The following SPIRE2 variants were observed in gnomAD, a reference collection of about 807,000 sequenced individuals.
SPIRE2 encodes protein spire homolog 2.
A neutral mutation model predicts 80.7 loss-of-function variants in SPIRE2; 76 were observed. The observed-to-expected ratio is 0.94, with a 90% CI of 0.78 to 1.14. The LOEUF (loss-of-function observed/expected upper bound fraction) is 1.14. SPIRE2 is among the 50% of genes most tolerant of loss of function. SPIRE2 has a pLI of 0.00. For missense variants in SPIRE2, 1,196 were observed against 1,015.3 expected (o/e 1.18, Z -2.42); for synonymous variants, 535 against 432.6 (o/e 1.24, Z -2.94).
chr16:89,849,664 C>T (rs1225733039), intron 2 of SPIRE2, among the ~76,000 whole-genome samples: 1 of 152,110 alleles, frequency 6.6e-6, no homozygotes, highest in Non-Finnish European at 1.5e-5. Context: ...GAAGTCGGTG[C>T]AGACGATGGT....
intron 9 of SPIRE2, among the ~76,000 whole-genome samples, chr16:89,859,571 T>G (rs1422731449): frequency 6.6e-6 from 1 of 152,160 alleles, no homozygotes; most frequent in Non-Finnish European, 1.5e-5. Flanking sequence ...AAAAATATTT[T>G]TTAATATTTA....
chr16:89,839,383 A>AC (rs1193537895), intron 1 of SPIRE2, among the ~76,000 whole-genome samples: 1 of 151,232 alleles, frequency 6.6e-6, no homozygotes, highest in Non-Finnish European at 1.5e-5. Flanking sequence ...CAAAAAAAAA[A>AC]AAAAAACTGT....
chr16:89,856,796 A>AC (rs2070007729), intron 7 of SPIRE2, among the ~76,000 whole-genome samples: 1 of 151,792 alleles, frequency 6.6e-6, no homozygotes, highest in Admixed American at 6.6e-5. Flanking sequence ...TCAGTAGCTC[A>AC]TGCCTTGTAA....
intron 12 of SPIRE2, among the ~76,000 whole-genome samples, chr16:89,864,727 C>G (rs1414739700): frequency 1.3e-5 from 2 of 152,132 alleles, no homozygotes; most frequent in East Asian, 3.8e-4. Context: ...TTGCTCTAGG[C>G]CTGACTGATA....
Position 89,828,714 on chromosome 16 carries a change from C to A in SPIRE2, c.164C>A (p.Pro55Gln). ...FQGCRGLRGS[P>Q]GRRLRDTGDL... The stretch of plus-strand genomic sequence containing the variant: ...GGCTGCCGCGGGCTGCGGGGCTCGC[C>A]GGGCCGGCGCCTGCGGGATACCGGG... Residue 55 changes from proline to glutamine, a missense_variant, in exon 1 of 15, where the codon CCG becomes CAG. Transcript: ENST00000378247. This position sits in a 1 kb window ranked among gnomAD's most constrained non-coding sequence, Gnocchi z 5.9. 7.9e-7 allele frequency: 1 copy of A among 1,263,614 alleles called. No individual in the cohort carries two copies. Among genetic ancestry groups the A allele is most frequent in the African/African-American group, 1.5e-5 (1 of 64,862 alleles). 78.3% of individuals were successfully genotyped at this position (1,263,614 alleles called of 1,614,324 possible).
chr16:89,850,692 T>A, intron 3 of SPIRE2, 32 bp downstream of exon 3: 1 of 627,240 alleles, frequency 1.6e-6, no homozygotes, highest in Non-Finnish European at 2.3e-6. Flanking sequence ...CCGTGGAGGG[T>A]CCGGGAGGCC....
chr16:89,839,460 C>T (rs546580541), intron 1 of SPIRE2, among the ~76,000 whole-genome samples: 4 of 150,638 alleles, frequency 2.7e-5, no homozygotes, highest in East Asian at 3.9e-4. Flanking sequence ...GGGTGGGGGG[C>T]GGCGCTGATT....
chr16:89,850,490 G>A lies in SPIRE2; in HGVS notation c.475G>A (p.Glu159Lys), dbSNP rs1214127327. Residue 159 changes from glutamate (E) to lysine (K), a missense_variant, in exon 3 of 15, where the codon GAG (glutamate) becomes AAG (lysine). Physicochemically the swap from Glu to Lys is moderately conservative, Grantham distance 56. Coordinates refer to ENST00000378247, the MANE Select transcript of SPIRE2 (RefSeq NM_032451.2). ...YGGPEEEEEA[E>K]GVPRSVRTFA... Reference sequence around the variant, plus strand: ...GGGTCCCGAGGAGGAGGAGGAGGCCGAGGGCGTCCCCCGCAGCGTGCGCAC... The same window carrying A: ...GGGTCCCGAGGAGGAGGAGGAGGCCAAGGGCGTCCCCCGCAGCGTGCGCAC... 2.0e-6 allele frequency: 3 copies of A among 1,535,510 alleles called. No homozygotes were observed. The highest frequency in any genetic ancestry group is 2.5e-5 in the South Asian group (2 of 80,442).
At chr16:89,859,870 C>T (rs1358290457) in intron 9 of SPIRE2, among the ~76,000 whole-genome samples, 1 of 152,194 alleles carries the variant, frequency 6.6e-6, no homozygotes, top group Non-Finnish European at 1.5e-5. Flanking sequence ...GTTCTTGTCT[C>T]CCCACCACCA....
At chr16:89,868,994 G>C (rs747333049) in intron 13 of SPIRE2, among the ~76,000 whole-genome samples, 1 of 126,280 alleles carries the variant, frequency 7.9e-6, no homozygotes, top group African/African-American at 3.1e-5. Flanking sequence ...CTGTGCCTCT[G>C]TACTCCAGCC....
chr16:89,841,567 T>C (rs983411319), intron 1 of SPIRE2, among the ~76,000 whole-genome samples: 1 of 152,172 alleles, frequency 6.6e-6, no homozygotes, highest in Admixed American at 6.5e-5. Context: ...GTGGCCCAGC[T>C]GCCCCATTTA....
chr16:89,867,433 G>A (rs1016773851), intron 12 of SPIRE2, among the ~76,000 whole-genome samples: 2 of 150,200 alleles, frequency 1.3e-5, no homozygotes, highest in Admixed American at 6.6e-5. Context: ...GTGAGGCATC[G>A]CGCCTGGCCG....
At chr16:89,856,349 C>T in intron 7 of SPIRE2, 113 bp downstream of exon 7, 4 of 1,137,744 alleles carry the variant, frequency 3.5e-6, no homozygotes, top group Non-Finnish European at 4.7e-6. Context: ...GCGCCTGAAC[C>T]CATGGAAGAC....
At position 89,869,053 on chromosome 16, in the gene SPIRE2, A is replaced by AAAAAACATATATATATATATATATATAT; in HGVS notation, c.1807-513_1807-512insAAAACATATATATATATATATATATATA. On this transcript the variant is annotated intron_variant, in intron 13 of 14. Transcript: ENST00000378247. The stretch of plus-strand genomic sequence containing the variant: ...TCTTAAAAAAAAAAAAAAAAAAAAA[A>AAAAAACATATATATATATATATATATAT]ATATATATATATATATATATATGTT... Among the ~76,000 whole-genome samples the AAAAAACATATATATATATATATATATAT allele has an allele frequency of 2.9e-4, 7 of 24,032 alleles. 1 individual carries two copies. Among genetic ancestry groups the AAAAAACATATATATATATATATATATAT allele is most frequent in the African/African-American group, 1.1e-3 (7 of 6,100 alleles). The allele number at this position is 24,032 out of a possible 152,430, so 15.8% of individuals were successfully genotyped here.
intron 3 of SPIRE2, 100 bp from the exon 4 acceptor site, chr16:89,854,186 T>C: frequency 9.1e-7 from 1 of 1,101,602 alleles, no homozygotes; most frequent in Non-Finnish European, 1.3e-6. Flanking sequence ...GCTGGTCGAG[T>C]GGAGCCCCCG....
At chr16:89,867,699 C>G (rs2041802229) in intron 12 of SPIRE2, among the ~76,000 whole-genome samples, 1 of 151,770 alleles carries the variant, frequency 6.6e-6, no homozygotes. Context: ...ATTCTCCTAT[C>G]TCAGCCCCCC....
At chr16:89,862,712 G>C (rs921057847) in intron 10 of SPIRE2, 1 of 152,294 alleles carries the variant, frequency 6.6e-6, no homozygotes, top group African/African-American at 2.4e-5. Flanking sequence ...TGCCAGGAGC[G>C]TGTGTTCACA....
At chr16:89,867,298 C>T (rs1232275258) in intron 12 of SPIRE2, among the ~76,000 whole-genome samples, 2 of 147,690 alleles carry the variant, frequency 1.4e-5, no homozygotes, top group African/African-American at 2.4e-5. Flanking sequence ...TGCCCGCCAC[C>T]ATGCCCGGCT....
At position 89,860,679 on chromosome 16, in the gene SPIRE2, C is replaced by T. The variant is rs1327006386; in HGVS notation, c.1463-4C>T. ...GTCCTGATGGAGCCTCTGCTCTCCCCCAGGTACCTGTCCCGCGAGTGTCTC... is the reference window on the plus strand; with the variant it reads ...GTCCTGATGGAGCCTCTGCTCTCCCTCAGGTACCTGTCCCGCGAGTGTCTC... On this transcript the variant is annotated splice_polypyrimidine_tract_variant and splice_region_variant and intron_variant, in intron 9 of 14. Coordinates refer to ENST00000378247, the MANE Select transcript of SPIRE2 (RefSeq NM_032451.2). 1 of 1,573,626 alleles carries T rather than the reference C, an allele frequency of 6.4e-7. No homozygotes were observed. The highest frequency in any genetic ancestry group is 1.2e-5 in the South Asian group (1 of 86,568).
Sources: allele counts gnomAD v4.1 joint callset (sites outside exome capture counted in the v4.1 genomes callset), GRCh38; gene constraint gnomAD v4.1.1; non-coding constraint Gnocchi (gnomAD v3.1); transcripts MANE v1.5; gene names NCBI Gene and HGNC (gene_info 2026-07-23, HGNC 2026-07-21).